Variants in BCL7B observed in about 807,000 individuals in gnomAD.
BCL7B encodes the protein BAF chromatin remodeling complex subunit BCL7B, also known as B-cell CLL/lymphoma 7 protein family member B.
Under a neutral mutation model 26.5 loss-of-function variants are expected in BCL7B, and 11 were observed. The observed-to-expected ratio is 0.42, with a 90% confidence interval of 0.26 to 0.69. The LOEUF is 0.69. Among genes scored for constraint, BCL7B ranks in the 30% least tolerant of loss-of-function variants. The pLI, the probability that BCL7B is intolerant of heterozygous loss-of-function variation, is 0.28. For missense variants in BCL7B, 215 were observed against 264.4 expected, an observed-to-expected ratio of 0.81 and a Z score of 1.30; for synonymous variants, 111 against 107.9, an observed-to-expected ratio of 1.03 and a Z score of -0.18.
At chr7:73,539,499 A>G (rs533256288) in intron 4 of BCL7B, among the ~76,000 whole-genome samples, 4 of 151,870 alleles carry the variant, frequency 2.6e-5, no homozygotes, top group Non-Finnish European at 1.5e-5. Context: ...TGACCCGCTC[A>G]CCTCGACCTC....
intron 3 of BCL7B, among the ~76,000 whole-genome samples, chr7:73,542,010 C>T (rs959649525): frequency 6.6e-6 from 1 of 152,206 alleles, no homozygotes; most frequent in African/African-American, 2.4e-5. Flanking sequence ...TCACTTCTTC[C>T]GCGGAGCCCT....
chr7:73,537,481 C>A, intron 5 of BCL7B, 91 bp from the exon 6 acceptor site: 1 of 934,984 alleles, frequency 1.1e-6, no homozygotes. Flanking sequence ...GTCCACTCTG[C>A]TCCTTCCAGC....
chr7:73,549,465 C>T (rs553450434), intron 2 of BCL7B, among the ~76,000 whole-genome samples: 3 of 152,176 alleles, frequency 2.0e-5, no homozygotes, highest in Admixed American at 2.0e-4. Context: ...CCCTTGAGCC[C>T]AAAAGTTCAA....
At chr7:73,538,974 T>C (rs1791648976) in intron 4 of BCL7B, among the ~76,000 whole-genome samples, 1 of 152,202 alleles carries the variant, frequency 6.6e-6, no homozygotes, top group Non-Finnish European at 1.5e-5. Context: ...TCTCTGTTTT[T>C]TTTTGAGATG....
At chr7:73,555,853 C>T (rs1389450839) in intron 1 of BCL7B, among the ~76,000 whole-genome samples, 4 of 152,114 alleles carry the variant, frequency 2.6e-5, no homozygotes, top group Non-Finnish European at 2.9e-5. Flanking sequence ...TCCAGCGATC[C>T]TCCCACCACA....
intron 1 of BCL7B, 188 bp downstream of exon 1, chr7:73,557,299 C>T: frequency 1.7e-6 from 2 of 1,157,584 alleles, no homozygotes; most frequent in Non-Finnish European, 1.1e-6. Context: ...GCCGGGAGGA[C>T]CGCTGATTGG....
intron 3 of BCL7B, chr7:73,540,654 C>G (rs548913601): frequency 6.6e-6 from 1 of 151,028 alleles, no homozygotes; most frequent in East Asian, 2.0e-4. Context: ...CACGGTGAAA[C>G]CCCGTCTCTA....
intron 3 of BCL7B, among the ~76,000 whole-genome samples, chr7:73,542,110 G>A (rs1048669861): frequency 9.2e-5 from 14 of 152,204 alleles, no homozygotes; most frequent in African/African-American, 2.2e-4. Flanking sequence ...TTTCGCACAC[G>A]TGCTTCCTCC....
At chr7:73,547,475 A>C (rs1791997710) in intron 2 of BCL7B, among the ~76,000 whole-genome samples, 1 of 152,006 alleles carries the variant, frequency 6.6e-6, no homozygotes, top group South Asian at 2.1e-4. Context: ...AAAAAGGAAA[A>C]GAAATATTAC....
Position 73,555,401 on chromosome 7 carries a change from C to CA in BCL7B, c.92+2085dup, listed in dbSNP as rs71517395. Among the ~76,000 whole-genome samples, 14 of 136,802 alleles carry CA rather than the reference C, an allele frequency of 1.0e-4. 1 individual carries two copies. In the South Asian group the frequency reaches 1.1e-3, roughly 11 times the overall value. The allele number at this position is 136,802 out of a possible 152,430, so 89.7% of individuals were successfully genotyped here. A position where few individuals can be genotyped will look rare whatever the true frequency, so the allele number is the denominator to read the frequency against. On this transcript the variant is annotated intron_variant, in intron 1 of 5. Transcript: ENST00000223368. Reference sequence around the variant, plus strand: ...TGGGTGACAGAGCAAGACTCTGTCTCAAAAAAAAAGAAATCAAATATAGGA... The same window carrying CA: ...TGGGTGACAGAGCAAGACTCTGTCTCAAAAAAAAAAGAAATCAAATATAGGA...
chr7:73,552,283 A>G (rs367764909), intron 1 of BCL7B, 41 bp from the exon 2 acceptor site: 32 of 1,490,982 alleles, frequency 2.1e-5, no homozygotes, highest in Non-Finnish European at 2.9e-5. Flanking sequence ...AAACAATGCA[A>G]TGTGTTTTCT....
intron 3 of BCL7B, among the ~76,000 whole-genome samples, chr7:73,541,907 C>T (rs1183674338): frequency 6.6e-6 from 1 of 152,188 alleles, no homozygotes; most frequent in Non-Finnish European, 1.5e-5. Context: ...CCAAGAGCTT[C>T]GTCATGCATG....
In BCL7B at chr7:73,554,068, G is replaced by A. The variant is rs570076878; in HGVS notation, c.93-1826C>T. On this transcript the variant is annotated intron_variant, in intron 1 of 5. Coordinates refer to ENST00000223368, the MANE Select transcript of BCL7B (RefSeq NM_001707.4). The stretch of plus-strand genomic sequence containing the variant: ...TTGCGGCCTCAAAATCCCAGGCTCA[G>A]GTGAATCTCCCATCTCAGCCTCCCA... Among the ~76,000 whole-genome samples, 226 of 151,208 alleles carry A rather than the reference G, an allele frequency of 1.5e-3. 1 individual carries two copies. Among genetic ancestry groups the A allele is most frequent in the African/African-American group, 4.4e-3 (181 of 41,212 alleles).
chr7:73,543,739 T>C, intron 2 of BCL7B, 95 bp from the exon 3 acceptor site: 1 of 989,824 alleles, frequency 1.0e-6, no homozygotes, highest in South Asian at 1.3e-5. Context: ...GAGGTCTGGA[T>C]TAGGACTGAA....
At chr7:73,537,842 G>T in intron 5 of BCL7B, 92 bp downstream of exon 5, 1 of 869,996 alleles carries the variant, frequency 1.1e-6, no homozygotes, top group Non-Finnish European at 1.8e-6. Flanking sequence ...AGTGAGCCAG[G>T]ATCGCACCAC....
At chr7:73,537,816 A>T in intron 5 of BCL7B, 118 bp downstream of exon 5, 1 of 654,914 alleles carries the variant, frequency 1.5e-6, no homozygotes, top group Non-Finnish European at 2.6e-6. Flanking sequence ...TGAACCCAGG[A>T]GGCAGTGGAG....
chr7:73,545,465 G>A (rs899360347), intron 2 of BCL7B, among the ~76,000 whole-genome samples: 11 of 151,960 alleles, frequency 7.2e-5, no homozygotes, highest in South Asian at 4.1e-4. Context: ...GTCTCAATCC[G>A]CCCGCCTCAG....
intron 2 of BCL7B, 134 bp downstream of exon 2, chr7:73,552,032 GC>G (rs781377631): frequency 1.4e-5 from 9 of 636,240 alleles, no homozygotes; most frequent in Non-Finnish European, 2.4e-5. Context: ...GGTGGAGGTT[GC>G]AGTGAGCCAA....
chr7:73,540,183 C>G (rs1157062585), intron 3 of BCL7B, 131 bp from the exon 4 acceptor site: 24 of 955,306 alleles, frequency 2.5e-5, no homozygotes, highest in Non-Finnish European at 3.4e-5. Context: ...AATCATTGTG[C>G]CCGGCCTACA....
Sources: allele counts gnomAD v4.1 joint callset (sites outside exome capture counted in the v4.1 genomes callset), GRCh38; gene constraint gnomAD v4.1.1; transcripts MANE v1.5; gene names NCBI Gene and HGNC (gene_info 2026-07-23, HGNC 2026-07-21).